TOP1: variants seen among roughly 807,000 people sequenced by gnomAD.
TOP1 encodes DNA topoisomerase 1.
A neutral mutation model predicts 111.1 loss-of-function variants in TOP1; 10 were observed. The observed-to-expected ratio is 0.09, with a 90% CI of 0.06 to 0.15. TOP1 has a LOEUF of 0.15. Ranked by LOEUF, TOP1 falls within the 10% of genes least tolerant of loss-of-function variation. TOP1 has a pLI of 1.00. For missense variants in TOP1, 474 were observed against 926.7 expected (o/e 0.51, Z 6.34); for synonymous variants, 271 against 302.9 (o/e 0.89, Z 1.10).
At chr20:41,089,020 C>CTTTTTTTTTTTTTT (rs59200685) in intron 8 of TOP1, among the ~76,000 whole-genome samples, 1,516 of 77,874 alleles carry the variant, frequency 0.019, 260 homozygotes, top group East Asian at 0.098. Flanking sequence ...TGCCCCAGTT[C>CTTTTTTTTTTTTTT]TTTTTTTTTT....
intron 7 of TOP1, 149 bp downstream of exon 7, chr20:41,081,389 CT>C: frequency 4.1e-6 from 4 of 967,136 alleles, no homozygotes; most frequent in Non-Finnish European, 5.8e-6. Flanking sequence ...GGCTGTGGCA[CT>C]GGTAGTTTTA....
chr20:41,093,588 C>T (rs1462212007), intron 9 of TOP1, among the ~76,000 whole-genome samples: 6 of 152,144 alleles, frequency 3.9e-5, no homozygotes, highest in Non-Finnish European at 8.8e-5. Flanking sequence ...TTCCCACCCT[C>T]AGCCCCCCAC....
At chr20:41,084,169 T>A (rs1045540398) in intron 7 of TOP1, among the ~76,000 whole-genome samples, 2 of 152,038 alleles carry the variant, frequency 1.3e-5, no homozygotes, top group African/African-American at 4.8e-5. Flanking sequence ...AGAGCAGTAC[T>A]TTTCCAAACT....
rs1467924315 is a variant in TOP1, at chr20:41,058,754, T to G, written c.59-2640T>G. ...AAAAGCGGAGTAACAAACAATCTTA[T>G]AGTCAAGATTGTGTTTGTGTAAGGT... On this transcript the variant is annotated intron_variant, in intron 2 of 20. Coordinates refer to ENST00000361337, the MANE Select transcript of TOP1 (RefSeq NM_003286.4). The surrounding 1 kb of genome is among the most constrained non-coding windows in gnomAD (Gnocchi z 4.2). 6.6e-6 allele frequency among the ~76,000 whole-genome samples: 1 copy of G among 152,136 alleles called. No homozygotes were observed. The highest frequency in any genetic ancestry group is 2.4e-5 in the African/African-American group (1 of 41,420).
At position 41,112,536 on chromosome 20, in the gene TOP1, G is replaced by A. The variant is rs1467722699; in HGVS notation, c.1309-246G>A. Among the ~76,000 whole-genome samples, 3 of 152,150 alleles carry A rather than the reference G, an allele frequency of 2.0e-5. No individual in the cohort carries two copies. The highest frequency in any genetic ancestry group is 4.4e-5 in the Non-Finnish European group (3 of 68,022). On this transcript the variant is annotated intron_variant, in intron 13 of 20. Coordinates refer to ENST00000361337, the MANE Select transcript of TOP1 (RefSeq NM_003286.4). This position sits in a 1 kb window ranked among gnomAD's most constrained non-coding sequence, Gnocchi z 5.8. ...TCTCTTCAGTACTATTCTTTTTTAC[G>A]TTTGCTTAAGGTCAAGTTCCTGCTC...
chr20:41,088,901 T>A (rs1339507143), intron 8 of TOP1, among the ~76,000 whole-genome samples: 1 of 152,110 alleles, frequency 6.6e-6, no homozygotes, highest in Non-Finnish European at 1.5e-5. Flanking sequence ...AGTGTACAAT[T>A]CGGTGGCATT....
chr20:41,075,182 A>T (rs1488468196), intron 3 of TOP1, among the ~76,000 whole-genome samples: 1 of 151,782 alleles, frequency 6.6e-6, no homozygotes, highest in Non-Finnish European at 1.5e-5. Flanking sequence ...TAATTAATTA[A>T]TTTTTTTGAG....
rs1460568117 is a variant in TOP1 at position 41,097,366 on chromosome 20, C to G, written c.852+25C>G. ...GGTACTGTAGCCCATGTGTTAATAT[C>G]CTAGTACCTTGCAAAACAATCAAGT... On this transcript the variant is annotated intron_variant, in intron 10 of 20. Coordinates refer to ENST00000361337, the MANE Select transcript of TOP1 (RefSeq NM_003286.4). This position sits in a 1 kb window ranked among gnomAD's most constrained non-coding sequence, Gnocchi z 4.2. 1.9e-6 allele frequency: 3 copies of G among 1,575,924 alleles called. No individual in the cohort carries two copies. The highest frequency in any genetic ancestry group is 4.5e-5 in the East Asian group (2 of 44,278).
chr20:41,049,518 A>G (rs1057105727), intron 2 of TOP1, among the ~76,000 whole-genome samples: 2 of 152,220 alleles, frequency 1.3e-5, no homozygotes, highest in East Asian at 3.8e-4. Context: ...GGTCTTTTCC[A>G]ACGGTAACAT....
At chr20:41,036,549 TA>T (rs1475253276) in intron 2 of TOP1, among the ~76,000 whole-genome samples, 1 of 152,250 alleles carries the variant, frequency 6.6e-6, no homozygotes, top group African/African-American at 2.4e-5. Context: ...AGACAGCCTC[TA>T]TTCTCAACTG....
At chr20:41,088,871 TATC>T (rs1346791856) in intron 8 of TOP1, among the ~76,000 whole-genome samples, 1 of 152,114 alleles carries the variant, frequency 6.6e-6, no homozygotes, top group Non-Finnish European at 1.5e-5. Context: ...ACATAACATT[TATC>T]ATCTTAACCA....
At position 41,114,859 on chromosome 20, in the gene TOP1, T is replaced by C. The variant is rs138406549; in HGVS notation, c.1639-512T>C. On this transcript the variant is annotated intron_variant, in intron 15 of 20. Coordinates refer to ENST00000361337, the MANE Select transcript of TOP1 (RefSeq NM_003286.4). The surrounding 1 kb of genome is among the most constrained non-coding windows in gnomAD (Gnocchi z 4.5). Reference sequence around the variant, plus strand: ...CAGCCCACCAGCAGTCCTCTTCTTATAAAGACACCTCTTCTCATAAGGACA... The same window carrying C: ...CAGCCCACCAGCAGTCCTCTTCTTACAAAGACACCTCTTCTCATAAGGACA... Among the ~76,000 whole-genome samples, 331 of 152,324 alleles carry C rather than the reference T, an allele frequency of 2.2e-3. 1 individual carries two copies. The highest frequency in any genetic ancestry group is 5.9e-3 in the Admixed American group (90 of 15,300).
chr20:41,038,855 G>A (rs188195621), intron 2 of TOP1, among the ~76,000 whole-genome samples: 2 of 152,204 alleles, frequency 1.3e-5, no homozygotes, highest in African/African-American at 4.8e-5. Flanking sequence ...AGGTGTGTTG[G>A]TGCATGCCTG....
chr20:41,095,370 C>T lies in TOP1; in HGVS notation c.731-1850C>T, dbSNP rs566439026. ...CACATTTTTTTTTAAATGGTGTTAA[C>T]AGTTTACATTTTTTTCTTGCCATTT... is the stretch of plus-strand genomic sequence containing the variant. On this transcript the variant is annotated intron_variant, in intron 9 of 20. Coordinates refer to ENST00000361337, the MANE Select transcript of TOP1 (RefSeq NM_003286.4). The surrounding 1 kb of genome is among the most constrained non-coding windows in gnomAD (Gnocchi z 4.6). Among the ~76,000 whole-genome samples the T allele has an allele frequency of 1.3e-5, 2 of 151,080 alleles. No individual in the cohort carries two copies. The highest frequency in any genetic ancestry group is 4.2e-4 in the South Asian group (2 of 4,808).
rs1175105889 is a variant in TOP1 at position 41,083,127 on chromosome 20, C to T, written c.508-1335C>T. Among the ~76,000 whole-genome samples the T allele has an allele frequency of 1.3e-5, 2 of 151,856 alleles. No homozygotes were observed. The highest frequency in any genetic ancestry group is 2.9e-5 in the Non-Finnish European group (2 of 67,954). On this transcript the variant is annotated intron_variant, in intron 7 of 20. Coordinates refer to ENST00000361337, the MANE Select transcript of TOP1 (RefSeq NM_003286.4). This position sits in a 1 kb window ranked among gnomAD's most constrained non-coding sequence, Gnocchi z 7.2. ...TCTGAGGTCTCTTAGTGACTGACAC[C>T]CCAATTTGAGGCTTGAAAACATACA...
intron 13 of TOP1, among the ~76,000 whole-genome samples, chr20:41,111,650 G>C (rs550577000): frequency 7.1e-6 from 1 of 141,228 alleles, no homozygotes; most frequent in East Asian, 2.1e-4. Context: ...AGGCTGAAAG[G>C]CTGGTTATCT....
chr20:41,064,283 G>A (rs192019017), intron 3 of TOP1, among the ~76,000 whole-genome samples: 1 of 152,060 alleles, frequency 6.6e-6, no homozygotes, highest in Non-Finnish European at 1.5e-5. Context: ...GTCTGTTTTT[G>A]TACCATTACC....
At chr20:41,096,697 A>G (rs1018255166) in intron 9 of TOP1, among the ~76,000 whole-genome samples, 3 of 152,198 alleles carry the variant, frequency 2.0e-5, no homozygotes, top group African/African-American at 7.2e-5. Flanking sequence ...GGGCTTGCCT[A>G]GTATGGATAT....
At chr20:41,040,994 C>T (rs2033257110) in intron 2 of TOP1, among the ~76,000 whole-genome samples, 1 of 152,100 alleles carries the variant, frequency 6.6e-6, no homozygotes, top group Non-Finnish European at 1.5e-5. Context: ...GAGTTCTAAA[C>T]ATCTCAGAGC....
Sources: gnomAD v4.1 joint callset for allele counts (sites outside exome capture counted in the v4.1 genomes callset) on GRCh38, gnomAD v4.1.1 for gene constraint, Gnocchi (gnomAD v3.1) non-coding constraint, MANE v1.5 for transcripts, NCBI Gene and HGNC (gene_info 2026-07-23, HGNC 2026-07-21) for gene names.